KANSL1: variants seen among roughly 807,000 people sequenced by gnomAD.
The protein encoded by KANSL1 is KAT8 regulatory NSL complex subunit 1, also known as MLL1/MLL complex subunit KANSL1.
KANSL1 carries 22 observed loss-of-function variants against 103.6 expected under a neutral mutation model. That is an observed-to-expected ratio of 0.21 (90% confidence interval 0.15 to 0.30). KANSL1 has a LOEUF of 0.30. Ranked by LOEUF, KANSL1 falls within the 10% of genes least tolerant of loss-of-function variation. The probability of loss-of-function intolerance (pLI) is 1.00; values close to 1 mark genes in which losing one functional copy is unlikely to be tolerated. For synonymous variants in KANSL1, 600 were observed against 527.6 expected, an observed-to-expected ratio of 1.14 and a Z score of -1.88; for missense variants, 1,337 against 1,399.8, an observed-to-expected ratio of 0.96 and a Z score of 0.72.
At chr17:46,121,504 CCTGACACAAATATCA>C (rs2043278896) in intron 2 of KANSL1, among the ~76,000 whole-genome samples, 1 of 152,226 alleles carries the variant, frequency 6.6e-6, no homozygotes, top group Non-Finnish European at 1.5e-5. Flanking sequence ...GACTTCACAT[CCTGACACAAATATCA>C]CTTTCATAGT....
chr17:46,100,212 T>C (rs894372580), intron 2 of KANSL1, among the ~76,000 whole-genome samples: 1 of 152,178 alleles, frequency 6.6e-6, no homozygotes. Context: ...GTTTTCTTCA[T>C]GTGACTCAAC....
At chr17:46,056,612 T>C (rs907965737) in intron 6 of KANSL1, among the ~76,000 whole-genome samples, 7 of 152,200 alleles carry the variant, frequency 4.6e-5, no homozygotes, top group African/African-American at 1.4e-4. Context: ...TCAAACTTGA[T>C]AGAACATTTA....
intron 1 of KANSL1, among the ~76,000 whole-genome samples, chr17:46,185,448 A>C (rs1446891263): frequency 6.6e-6 from 1 of 152,244 alleles, no homozygotes; most frequent in Admixed American, 6.5e-5. Flanking sequence ...GTGGTTACAC[A>C]GCATTATAAA....
At chr17:46,158,912 A>C (rs1054772960) in intron 2 of KANSL1, among the ~76,000 whole-genome samples, 1 of 152,242 alleles carries the variant, frequency 6.6e-6, no homozygotes, top group Non-Finnish European at 1.5e-5. Context: ...CATCTGTTAC[A>C]GGCCTTTGTC....
chr17:46,050,794 A>G, intron 6 of KANSL1, 90 bp from the exon 7 acceptor site: 1 of 1,167,444 alleles, frequency 8.6e-7, no homozygotes, highest in Non-Finnish European at 1.2e-6. Flanking sequence ...TTGAGAAGTT[A>G]GCTCCCCATT....
chr17:46,113,192 C>T (rs1423781521), intron 2 of KANSL1, among the ~76,000 whole-genome samples: 1 of 152,164 alleles, frequency 6.6e-6, no homozygotes, highest in Non-Finnish European at 1.5e-5. Context: ...CAGTTTCCTA[C>T]AAGAAAATGT....
At chr17:46,194,750 T>C (rs1437706051), upstream of KANSL1, among the ~76,000 whole-genome samples, 1 of 152,250 alleles carries the variant, frequency 6.6e-6, no homozygotes, top group Non-Finnish European at 1.5e-5. Flanking sequence ...TCACACTTTT[T>C]TGTGGCTTAC....
chr17:46,031,257 A>G lies in KANSL1; in HGVS notation c.*219T>C, dbSNP rs985292957. Reference sequence around the variant, plus strand: ...TCTCATCCTGAACTTCTGTTTGCCAACGGGAGGAAGTGCTCAGGTGTGTGA... The same window carrying G: ...TCTCATCCTGAACTTCTGTTTGCCAGCGGGAGGAAGTGCTCAGGTGTGTGA... On this transcript the variant is annotated 3_prime_UTR_variant, in exon 15 of 15. Transcript: ENST00000432791. The G allele has an allele frequency of 6.7e-6, 4 of 597,814 alleles. No individual in the cohort carries two copies. Among genetic ancestry groups the G allele is most frequent in the Non-Finnish European group, 5.9e-6 (2 of 338,274 alleles). 37.0% of individuals were successfully genotyped at this position (597,814 alleles called of 1,614,324 possible).
intron 1 of KANSL1, among the ~76,000 whole-genome samples, chr17:46,172,622 GA>G (rs1267491177): frequency 2.0e-5 from 3 of 152,182 alleles, no homozygotes; most frequent in Admixed American, 6.5e-5. Flanking sequence ...TAATTAAACA[GA>G]AAAAAATTAG....
intron 2 of KANSL1, among the ~76,000 whole-genome samples, chr17:46,150,250 T>C (rs2045017311): frequency 6.6e-6 from 1 of 151,562 alleles, no homozygotes; most frequent in African/African-American, 2.4e-5. Flanking sequence ...GTATACAGAA[T>C]GTCCTTTCTT....
chr17:46,199,780 T>C (rs545276046), intron 1 of KANSL1, among the ~76,000 whole-genome samples: 27 of 152,332 alleles, frequency 1.8e-4, no homozygotes, highest in African/African-American at 5.8e-4. Flanking sequence ...TAAACCTAAA[T>C]GTACTAGTAA....
Position 46,146,745 on chromosome 17 carries a change from A to G in KANSL1, c.1289+24110T>C, listed in dbSNP as rs1335251135. On this transcript the variant is annotated intron_variant, in intron 2 of 14. Coordinates refer to ENST00000432791, the MANE Select transcript of KANSL1 (RefSeq NM_015443.4). Reference sequence around the variant, plus strand: ...CTACTTGGGAGGCTGAGGCAGGAGAATGGCGTGAACCCGGGAGGCGGAGCT... The same window carrying G: ...CTACTTGGGAGGCTGAGGCAGGAGAGTGGCGTGAACCCGGGAGGCGGAGCT... Among the ~76,000 whole-genome samples, 2 of 117,920 alleles carry G rather than the reference A, an allele frequency of 1.7e-5. 1 individual carries two copies. The highest frequency in any genetic ancestry group is 4.2e-5 in the Non-Finnish European group (2 of 47,558). 77.4% of individuals were successfully genotyped at this position (117,920 alleles called of 152,430 possible).
intron 3 of KANSL1, among the ~76,000 whole-genome samples, chr17:46,087,797 A>G (rs1054010580): frequency 6.6e-6 from 1 of 152,188 alleles, no homozygotes; most frequent in African/African-American, 2.4e-5. Context: ...ATATGCCACA[A>G]TAACACTTAT....
intron 4 of KANSL1, among the ~76,000 whole-genome samples, chr17:46,072,736 T>C (rs928593190): frequency 6.6e-5 from 10 of 152,224 alleles, no homozygotes; most frequent in Admixed American, 2.0e-4. Context: ...TGTGGGGCTA[T>C]GTGCCTCACT....
intron 3 of KANSL1, among the ~76,000 whole-genome samples, chr17:46,092,667 A>T (rs1319247934): frequency 7.9e-6 from 1 of 125,896 alleles, no homozygotes; most frequent in African/African-American, 3.1e-5. Flanking sequence ...ATGTACCATA[A>T]TGTTGGTAGC....
intron 11 of KANSL1, 21 bp from the exon 12 acceptor site, chr17:46,033,481 A>C: frequency 6.2e-7 from 1 of 1,611,992 alleles, no homozygotes; most frequent in Middle Eastern, 1.7e-4. Context: ...AAGAACAGAC[A>C]ATCATGAGAT....
At chr17:46,036,015 A>G in intron 10 of KANSL1, 1 of 143,868 alleles carries the variant, frequency 7.0e-6, no homozygotes, top group East Asian at 2.1e-4. Context: ...AGCAACATTA[A>G]GGAGTATTTT....
chr17:46,144,679 T>TA (rs143437112), intron 2 of KANSL1, among the ~76,000 whole-genome samples: 51,952 of 150,378 alleles, frequency 0.35, 10,008 homozygotes, highest in South Asian at 0.59. Context: ...TACTACATAA[T>TA]AAAAAAAAAA....
intron 2 of KANSL1, among the ~76,000 whole-genome samples, chr17:46,163,976 C>A (rs907863015): frequency 6.6e-6 from 1 of 152,224 alleles, no homozygotes; most frequent in African/African-American, 2.4e-5. Flanking sequence ...CTATCAAAAT[C>A]TTTGCCAACC....
Sources: allele counts gnomAD v4.1 joint callset (sites outside exome capture counted in the v4.1 genomes callset), GRCh38; gene constraint gnomAD v4.1.1; transcripts MANE v1.5; gene names NCBI Gene and HGNC (gene_info 2026-07-23, HGNC 2026-07-21).